ABL2: variants seen among roughly 807,000 people sequenced by gnomAD.
The protein encoded by ABL2 is ABL proto-oncogene 2, non-receptor tyrosine kinase, also known as tyrosine-protein kinase ABL2.
A neutral mutation model predicts 107.7 loss-of-function variants in ABL2; 49 were observed. The ratio of observed to expected loss-of-function variants is 0.45; its 90% CI spans 0.36 to 0.58. The LOEUF is 0.58. Among genes scored for constraint, ABL2 ranks in the 20% least tolerant of loss-of-function variants. The pLI is 0.00. For synonymous variants in ABL2, 549 were observed against 548.6 expected, an observed-to-expected ratio of 1.00 and a Z score of -0.01; for missense variants, 1,245 against 1,457.0, an observed-to-expected ratio of 0.85 and a Z score of 2.37.
intron 1 of ABL2, among the ~76,000 whole-genome samples, chr1:179,193,313 G>A (rs1230382822): frequency 1.3e-5 from 2 of 150,944 alleles, no homozygotes; most frequent in Admixed American, 6.6e-5. Context: ...TCTTTCTAAA[G>A]GTGAATATTA....
chr1:179,228,716 C>T (rs745353759), intron 1 of ABL2, among the ~76,000 whole-genome samples: 3 of 152,200 alleles, frequency 2.0e-5, no homozygotes, highest in Non-Finnish European at 2.9e-5. Context: ...ACTTCATCTT[C>T]CCTACAGAAA....
rs112332842 is a variant in ABL2 at position 179,190,511 on chromosome 1, A to G, written c.157+38730T>C. ...CTAGGTTTCGTGGAAGCTTCATTAC[A>G]TAGGCATAGTTGATTAAATCACTGG... On this transcript the variant is annotated intron_variant, in intron 1 of 11. Coordinates refer to ENST00000502732, the MANE Select transcript of ABL2 (RefSeq NM_007314.4). Among the ~76,000 whole-genome samples, 986 of 152,240 alleles carry G rather than the reference A, an allele frequency of 6.5e-3. 15 individuals are homozygous for G. Among genetic ancestry groups the G allele is most frequent in the African/African-American group, 0.023 (954 of 41,552 alleles).
In ABL2 at chr1:179,108,927, C is replaced by A. The variant is rs762845021; in HGVS notation, c.2340G>T (p.Arg780Ser). 15 of 1,614,016 alleles carry A rather than the reference C, an allele frequency of 9.3e-6. No homozygotes were observed. Among genetic ancestry groups the A allele is most frequent in the Non-Finnish European group, 1.2e-5 (14 of 1,180,038 alleles). Residue 780 changes from arginine (R) to serine (S), a missense_variant, in exon 12 of 12, where the codon AGG becomes AGT. By Grantham distance (110) the Arg-to-Ser change is moderately radical. This residue lies in a region of ABL2 where 761 missense variants were observed against 766.4 expected (regional missense o/e 0.99). Transcript: ENST00000502732. The stretch of plus-strand genomic sequence containing the variant: ...AGGACATGGAAGATGTAGAGTTTGA[C>A]CTTGGAAAAGGCTTGGAAGTGTCAT... ...ASDDTSKPFP[R>S]SNSTSSMSSG...
chr1:179,110,549 G>A lies in ABL2; in HGVS notation c.1652-94C>T, dbSNP rs138893548. 762 of 1,523,580 alleles carry A rather than the reference G, an allele frequency of 5.0e-4. 5 individuals carry two copies. In the African/African-American group the frequency reaches 9.0e-3, roughly 18 times the overall value. 94.4% of individuals were successfully genotyped at this position (1,523,580 alleles called of 1,614,324 possible). On this transcript the variant is annotated intron_variant, in intron 10 of 11. Coordinates refer to ENST00000502732, the MANE Select transcript of ABL2 (RefSeq NM_007314.4). The stretch of plus-strand genomic sequence containing the variant: ...AAAGGCACACAACTGAGAAAGAACT[G>A]GCAAGTAGAGTACTAAAATACATAC...
At chr1:179,189,683 C>T (rs916906841) in intron 1 of ABL2, among the ~76,000 whole-genome samples, 1 of 152,150 alleles carries the variant, frequency 6.6e-6, no homozygotes, top group Admixed American at 6.5e-5. Context: ...CACCACTCAA[C>T]ACAATATTTC....
chr1:179,145,815 AG>A (rs771270270), intron 1 of ABL2, among the ~76,000 whole-genome samples: 5 of 152,074 alleles, frequency 3.3e-5, no homozygotes, highest in Non-Finnish European at 7.4e-5. Context: ...TCAAGTGCTT[AG>A]GGATTTAGGA....
chr1:179,115,644 A>G (rs28913568), intron 8 of ABL2, among the ~76,000 whole-genome samples: 14,456 of 152,174 alleles, frequency 0.095, 790 homozygotes, highest in South Asian at 0.15. Context: ...TTATATATCC[A>G]GGGCTTGACA....
intron 1 of ABL2, among the ~76,000 whole-genome samples, chr1:179,154,904 T>C (rs756142265): frequency 7.2e-5 from 11 of 152,212 alleles, no homozygotes; most frequent in Non-Finnish European, 1.6e-4. Context: ...TTTTCCTCTG[T>C]ATTTAATCAC....
chr1:179,224,418 C>A (rs1332333714), intron 1 of ABL2, among the ~76,000 whole-genome samples: 1 of 151,766 alleles, frequency 6.6e-6, no homozygotes, highest in Non-Finnish European at 1.5e-5. Context: ...AGGTGCCCGC[C>A]ACCACACCTG....
chr1:179,156,929 AT>A (rs1658732095), intron 1 of ABL2, among the ~76,000 whole-genome samples: 2 of 123,656 alleles, frequency 1.6e-5, no homozygotes, highest in South Asian at 2.6e-4. Flanking sequence ...AAATAAATAA[AT>A]AAAACTCTAT....
intron 1 of ABL2, among the ~76,000 whole-genome samples, chr1:179,179,513 G>A (rs1171319035): frequency 1.3e-5 from 2 of 151,958 alleles, no homozygotes; most frequent in African/African-American, 2.4e-5. Flanking sequence ...GAGTTAGGGG[G>A]TACTAAGGTA....
chr1:179,198,834 A>G lies in ABL2; in HGVS notation c.157+30407T>C, dbSNP rs183613284. On this transcript the variant is annotated intron_variant, in intron 1 of 11. Transcript: ENST00000502732. The stretch of plus-strand genomic sequence containing the variant: ...GGGTATCATGTCTATAAATTTATCC[A>G]AATTATCCTTTTTTTTTTTTTTTTA... Among the ~76,000 whole-genome samples, 742 of 149,872 alleles carry G rather than the reference A, an allele frequency of 5.0e-3. 4 individuals carry two copies. Among genetic ancestry groups the G allele is most frequent in the Non-Finnish European group, 7.7e-3 (524 of 67,646 alleles).
Position 179,108,769 on chromosome 1 carries a change from A to G in ABL2, c.2498T>C (p.Leu833Pro), listed in dbSNP as rs1653729718. The change falls in exon 12 of 12, where the codon CTT (leucine) becomes CCT (proline). Residue 833 changes from leucine (L) to proline (P), a missense_variant. Physicochemically the swap from Leu to Pro is moderately conservative, Grantham distance 98. This residue lies in a region of ABL2 where 761 missense variants were observed against 766.4 expected (regional missense o/e 0.99). Transcript: ENST00000502732. Reference protein sequence around the residue: ...EENVDRANDMLPKKSEESAAP... With the variant: ...EENVDRANDMPPKKSEESAAP... The stretch of plus-strand genomic sequence containing the variant: ...AGCACTTTCCTCTGATTTTTTTGGA[A>G]GCATGTCATTGGCCCTGTCCACATT... 1.9e-6 allele frequency: 3 copies of G among 1,614,124 alleles called. No homozygotes were observed. The highest frequency in any genetic ancestry group is 2.5e-6 in the Non-Finnish European group (3 of 1,180,024).
chr1:179,183,321 G>A lies in ABL2; in HGVS notation c.157+45920C>T, dbSNP rs186020615. Among the ~76,000 whole-genome samples, 9 of 152,130 alleles carry A rather than the reference G, an allele frequency of 5.9e-5. No homozygotes were observed. The East Asian group carries it at 1.2e-3, about 20-fold the overall frequency. Reference sequence around the variant, plus strand: ...CCACTAAAAGCTCAGACTTCACCACGACATAACAAAACTGTACTTGTACCA... The same window carrying A: ...CCACTAAAAGCTCAGACTTCACCACAACATAACAAAACTGTACTTGTACCA... On this transcript the variant is annotated intron_variant, in intron 1 of 11. Transcript: ENST00000502732.
At chr1:179,227,966 C>T (rs1290116949) in intron 1 of ABL2, among the ~76,000 whole-genome samples, 1 of 147,096 alleles carries the variant, frequency 6.8e-6, no homozygotes, top group African/African-American at 2.5e-5. Flanking sequence ...AGGAGAATCG[C>T]TTGAACCTGG....
chr1:179,136,915 TC>T (rs1657084441), intron 1 of ABL2, among the ~76,000 whole-genome samples: 1 of 58,638 alleles, frequency 1.7e-5, no homozygotes. Context: ...AGACCCTGTC[TC>T]AAAAAAAAAA....
chr1:179,219,475 T>C (rs1662759601), intron 1 of ABL2, among the ~76,000 whole-genome samples: 1 of 152,232 alleles, frequency 6.6e-6, no homozygotes, highest in South Asian at 2.1e-4. Context: ...CATTAACTAT[T>C]AACCAGCAAA....
At position 179,112,389 on chromosome 1, in the gene ABL2, C is replaced by T; in HGVS notation, c.1571G>A (p.Trp524Ter). 6.2e-7 allele frequency: 1 copy of T among 1,613,576 alleles called. No individual in the cohort carries two copies. The highest frequency in any genetic ancestry group is 8.5e-7 in the Non-Finnish European group (1 of 1,179,614). The change falls in exon 10 of 12, where the codon TGG (tryptophan) becomes TAG (stop). Residue 524 changes from tryptophan to a stop codon, truncating the protein, a stop_gained. Coordinates refer to ENST00000502732, the MANE Select transcript of ABL2 (RefSeq NM_007314.4). LOFTEE classifies it high-confidence loss of function. ...VYELMRACWK[W>*]SPADRPSFAE... ...AAAAGAGGGCCTATCGGCAGGGCTC[C>T]ACTTCCAGCCTATGTAACAGAAGAA...
In ABL2 at chr1:179,108,780, G is replaced by A; in HGVS notation, c.2487C>T (p.Ala829=). 1 of 1,614,144 alleles carries A rather than the reference G, an allele frequency of 6.2e-7. No homozygotes were observed. Among genetic ancestry groups the A allele is most frequent in the Non-Finnish European group, 8.5e-7 (1 of 1,180,028 alleles). ...CTGATTTTTTTGGAAGCATGTCATTGGCCCTGTCCACATTCTCTTCTGGCT... is the reference window on the plus strand; with the variant it reads ...CTGATTTTTTTGGAAGCATGTCATTAGCCCTGTCCACATTCTCTTCTGGCT... The part of the protein sequence containing the change: ...SSQPEENVDR[A]NDMLPKKSEE... Residue 829 remains alanine (A), a synonymous_variant, in exon 12 of 12, where the codon GCC becomes GCT. Transcript: ENST00000502732.
Sources: gnomAD v4.1 joint callset for allele counts (sites outside exome capture counted in the v4.1 genomes callset) on GRCh38, gnomAD v4.1.1 for gene constraint, gnomAD v4.1.1 regional missense constraint, MANE v1.5 for transcripts, NCBI Gene and HGNC (gene_info 2026-07-23, HGNC 2026-07-21) for gene names.